The following YTHDC2 variants were observed in gnomAD, a reference collection of about 807,000 sequenced individuals.
YTHDC2 encodes YTH N6-methyladenosine RNA binding protein C2.
A neutral mutation model predicts 174.9 loss-of-function variants in YTHDC2; 45 were observed. That is an observed-to-expected ratio of 0.26 (90% CI 0.20 to 0.33). The LOEUF (loss-of-function observed/expected upper bound fraction) is 0.33, where lower values mean the gene tolerates loss of function less well. YTHDC2 is among the 10% of genes least tolerant of loss of function. The pLI is 1.00. For synonymous variants in YTHDC2, 657 were observed against 574.5 expected (o/e 1.14, Z -2.05); for missense variants, 1,650 against 1,723.7 (o/e 0.96, Z 0.76).
At chr5:113,567,068 T>G (rs1170076438) in intron 21 of YTHDC2, 24 bp from the exon 22 acceptor site, 3 of 1,598,642 alleles carry the variant, frequency 1.9e-6, no homozygotes, top group African/African-American at 2.7e-5. Context: ...ATAGAAAAAT[T>G]GGTGTGGTTT....
intron 27 of YTHDC2, 93 bp downstream of exon 27, chr5:113,591,337 A>T: frequency 2.5e-6 from 3 of 1,201,008 alleles, no homozygotes; most frequent in Non-Finnish European, 3.6e-6. Flanking sequence ...TCATTGCATC[A>T]GAATGCAAGA....
chr5:113,542,280 C>G, intron 9 of YTHDC2, 88 bp from the exon 10 acceptor site: 1 of 1,339,992 alleles, frequency 7.5e-7, no homozygotes, highest in Middle Eastern at 2.1e-4. Flanking sequence ...GATTAGTAGT[C>G]CTGATGGCCA....
intron 4 of YTHDC2, 41 bp downstream of exon 4, chr5:113,526,826 A>AAAAAAATAT (rs754909013): frequency 1.4e-5 from 2 of 141,610 alleles, no homozygotes; most frequent in Admixed American, 1.4e-4. Context: ...AAAAAAAAAA[A>AAAAAAATAT]ATATATATAT....
chr5:113,542,817 C>T (rs1775581488), intron 10 of YTHDC2, among the ~76,000 whole-genome samples: 2 of 152,108 alleles, frequency 1.3e-5, no homozygotes, highest in Non-Finnish European at 2.9e-5. Flanking sequence ...CTTTCCCTTC[C>T]TTGGAAAGGA....
chr5:113,526,661 C>A lies in YTHDC2; in HGVS notation c.551C>A (p.Ser184Tyr), dbSNP rs760389760. 46 of 1,605,672 alleles carry A rather than the reference C, an allele frequency of 2.9e-5. No individual in the cohort carries two copies. The highest frequency in any genetic ancestry group is 1.7e-4 in the Middle Eastern group (1 of 6,044). The change falls in exon 4 of 30, where the codon TCC becomes TAC. Residue 184 changes from serine (S) to tyrosine (Y), a missense_variant. Physicochemically the swap from Ser to Tyr is moderately radical, Grantham distance 144. Transcript: ENST00000161863. ...CAGATTCCAGTGAAAAGAGGAGAAT[C>A]CGAATTTGATTCTTTTAGGCAGTCT... ...IPQIPVKRGE[S>Y]EFDSFRQSLP...
intron 4 of YTHDC2, among the ~76,000 whole-genome samples, chr5:113,531,019 A>G (rs893852243): frequency 6.6e-6 from 1 of 152,112 alleles, no homozygotes; most frequent in Admixed American, 6.5e-5. Context: ...CTTTTCTTGC[A>G]TAGTGTCTGA....
rs531057803 is a variant in YTHDC2, at chr5:113,588,631, A to T, written c.3826-2410A>T. On this transcript the variant is annotated intron_variant, in intron 26 of 29. Transcript: ENST00000161863. ...ATTTATTTATTTATTTATTTATATT[A>T]TTTTTTTTTGAGACAGAGTCTCACT... is the stretch of plus-strand genomic sequence containing the variant. Among the ~76,000 whole-genome samples, 16 of 138,494 alleles carry T rather than the reference A, an allele frequency of 1.2e-4. No homozygotes were observed. The South Asian group carries it at 1.8e-3, about 15-fold the overall frequency. 90.9% of individuals were successfully genotyped at this position (138,494 alleles called of 152,430 possible).
At chr5:113,542,292 T>C in intron 9 of YTHDC2, 76 bp from the exon 10 acceptor site, 1 of 1,462,226 alleles carries the variant, frequency 6.8e-7, no homozygotes, top group South Asian at 1.2e-5. Context: ...TGATGGCCAT[T>C]GTGGCCATCT....
chr5:113,540,635 T>A (rs528747508), intron 8 of YTHDC2, among the ~76,000 whole-genome samples: 1 of 152,256 alleles, frequency 6.6e-6, no homozygotes, highest in East Asian at 1.9e-4. Context: ...GAACTCACTA[T>A]CATGAGAACA....
In YTHDC2 at chr5:113,553,281, C is replaced by T. The variant is rs748106397; in HGVS notation, c.1789C>T (p.His597Tyr). The T allele has an allele frequency of 1.2e-6, 2 of 1,606,788 alleles. No individual in the cohort carries two copies. The highest frequency in any genetic ancestry group is 2.3e-5 in the East Asian group (1 of 44,392). ...CAGAGAGCTCCTGAAAGCTTATCATCATAGTTTCGATGATGAAAAAGTAGA... is the reference window on the plus strand; with the variant it reads ...CAGAGAGCTCCTGAAAGCTTATCATTATAGTTTCGATGATGAAAAAGTAGA... ...EDRELLKAYH[H>Y]SFDDEKVDLD... Residue 597 changes from histidine to tyrosine, a missense_variant, in exon 13 of 30, where the codon CAT becomes TAT. His to Tyr is a moderately conservative substitution (Grantham distance 83). Transcript: ENST00000161863.
intron 2 of YTHDC2, among the ~76,000 whole-genome samples, chr5:113,521,092 C>CT (rs1484715612): frequency 6.6e-6 from 1 of 152,174 alleles, no homozygotes; most frequent in Admixed American, 6.5e-5. Flanking sequence ...AGGACATGGT[C>CT]TCATTCTTTT....
chr5:113,540,328 C>A (rs1775363974), intron 8 of YTHDC2, among the ~76,000 whole-genome samples: 1 of 152,136 alleles, frequency 6.6e-6, no homozygotes, highest in Admixed American at 6.6e-5. Flanking sequence ...GATAAAAATA[C>A]TCTTAATTCT....
chr5:113,530,736 A>AT (rs77748875), intron 4 of YTHDC2, among the ~76,000 whole-genome samples: 1 of 150,878 alleles, frequency 6.6e-6, no homozygotes, highest in African/African-American at 2.4e-5. Context: ...AGTTAAAAAA[A>AT]TTTTTTTTTT....
chr5:113,583,314 CAGAA>C (rs934060283), intron 25 of YTHDC2: 2 of 151,914 alleles, frequency 1.3e-5, no homozygotes, highest in Non-Finnish European at 2.9e-5. Context: ...TAAGCCAAAA[CAGAA>C]AGGAAGCAGG....
chr5:113,580,702 G>A (rs536562390), intron 24 of YTHDC2, among the ~76,000 whole-genome samples: 7 of 152,236 alleles, frequency 4.6e-5, no homozygotes, highest in African/African-American at 1.4e-4. Flanking sequence ...TCTGCTGTCT[G>A]GGATAAATGT....
At chr5:113,517,175 A>T (rs1167497639) in intron 2 of YTHDC2, among the ~76,000 whole-genome samples, 2 of 152,180 alleles carry the variant, frequency 1.3e-5, no homozygotes, top group Non-Finnish European at 2.9e-5. Flanking sequence ...TGGAAATTCT[A>T]TGAATATTCA....
intron 12 of YTHDC2, among the ~76,000 whole-genome samples, chr5:113,549,706 A>G (rs1270043521): frequency 6.6e-6 from 1 of 152,034 alleles, no homozygotes; most frequent in Non-Finnish European, 1.5e-5. Context: ...CGCAATGTCC[A>G]TCCTCTTTAA....
intron 19 of YTHDC2, 85 bp downstream of exon 19, chr5:113,563,577 A>G (rs1777145414): frequency 3.5e-6 from 5 of 1,416,568 alleles, no homozygotes; most frequent in African/African-American, 1.5e-5. Flanking sequence ...CTAATTTTGT[A>G]TAATTATTTT....
Position 113,580,018 on chromosome 5 carries a change from C to T in YTHDC2, c.3354+323C>T, listed in dbSNP as rs751693715. 16 of 847,930 alleles carry T rather than the reference C, an allele frequency of 1.9e-5. No individual in the cohort carries two copies. The East Asian group carries it at 4.9e-4, about 26-fold the overall frequency. The allele number at this position is 847,930 out of a possible 1,614,324, so 52.5% of individuals were successfully genotyped here. On this transcript the variant is annotated intron_variant, in intron 24 of 29. Coordinates refer to ENST00000161863, the MANE Select transcript of YTHDC2 (RefSeq NM_022828.5). ...CTTAAGTCTGAGATCAAGGTGCTGA[C>T]GTCGGTTGAGGGCTGCTGGACCCTG...
Sources: gnomAD v4.1 joint callset for allele counts (sites outside exome capture counted in the v4.1 genomes callset) on GRCh38, gnomAD v4.1.1 for gene constraint, MANE v1.5 for transcripts, NCBI Gene and HGNC (gene_info 2026-07-23, HGNC 2026-07-21) for gene names.